The following TMEM71 variants were observed in gnomAD, a reference collection of about 807,000 sequenced individuals.
TMEM71 encodes transmembrane protein 71.
Under a neutral mutation model 38.0 loss-of-function variants are expected in TMEM71, and 44 were observed. The ratio of observed to expected loss-of-function variants is 1.16; its 90% confidence interval spans 0.91 to 1.49. The LOEUF (loss-of-function observed/expected upper bound fraction) is 1.49. Ranked by LOEUF, TMEM71 falls within the 40% of genes most tolerant of loss-of-function variation. The probability of loss-of-function intolerance (pLI) is 0.00; values close to 1 mark genes in which losing one functional copy is unlikely to be tolerated. For missense variants in TMEM71, 367 were observed against 348.6 expected, an observed-to-expected ratio of 1.05 and a Z score of -0.42; for synonymous variants, 133 against 122.5, an observed-to-expected ratio of 1.09 and a Z score of -0.56.
intron 5 of TMEM71, among the ~76,000 whole-genome samples, chr8:132,744,411 T>G (rs1447826307): frequency 6.6e-6 from 1 of 152,106 alleles, no homozygotes; most frequent in African/African-American, 2.4e-5. Flanking sequence ...GAGAGCCAAG[T>G]CAAGAATGCA....
chr8:132,743,197 C>T (rs113906483), intron 5 of TMEM71, among the ~76,000 whole-genome samples: 5 of 152,190 alleles, frequency 3.3e-5, no homozygotes, highest in South Asian at 4.2e-4. Flanking sequence ...GAAGAAGAGC[C>T]GCAGGGACTC....
chr8:132,728,023 T>C, intron 5 of TMEM71, 37 bp from the exon 6 acceptor site: 1 of 1,226,458 alleles, frequency 8.2e-7, no homozygotes, highest in African/African-American at 1.7e-5. Context: ...AGTGTGTGTG[T>C]GTGTGTGTGT....
intron 5 of TMEM71, among the ~76,000 whole-genome samples, chr8:132,744,779 A>G (rs966953223): frequency 6.6e-6 from 1 of 152,216 alleles, no homozygotes; most frequent in Non-Finnish European, 1.5e-5. Flanking sequence ...ACTTCAAAAT[A>G]TACCATAAGG....
chr8:132,735,504 ACT>A (rs1462441797), intron 5 of TMEM71, among the ~76,000 whole-genome samples: 1 of 152,182 alleles, frequency 6.6e-6, no homozygotes, highest in African/African-American at 2.4e-5. Flanking sequence ...AGATGTGATT[ACT>A]CTGACAGCAG....
chr8:132,729,139 C>T (rs1394490615), intron 5 of TMEM71, among the ~76,000 whole-genome samples: 3 of 152,184 alleles, frequency 2.0e-5, no homozygotes, highest in Admixed American at 6.5e-5. Flanking sequence ...AAGATGATTC[C>T]TCATAACACT....
At chr8:132,728,324 G>C (rs1827267134) in intron 5 of TMEM71, among the ~76,000 whole-genome samples, 1 of 152,186 alleles carries the variant, frequency 6.6e-6, no homozygotes, top group Non-Finnish European at 1.5e-5. Flanking sequence ...TACATGGATA[G>C]TGGCAGGTAA....
intron 7 of TMEM71, among the ~76,000 whole-genome samples, chr8:132,717,686 C>A (rs908170778): frequency 1.3e-5 from 2 of 152,152 alleles, no homozygotes; most frequent in Non-Finnish European, 2.9e-5. Context: ...AACGTTTCAG[C>A]AGTTTCTAAA....
chr8:132,720,002 G>A (rs1826752239), intron 7 of TMEM71, among the ~76,000 whole-genome samples: 1 of 152,126 alleles, frequency 6.6e-6, no homozygotes, highest in South Asian at 2.1e-4. Context: ...GTTTTGGAAA[G>A]TCCTGCTCAG....
chr8:132,770,632 T>G, the TMEM71 span, among the ~76,000 whole-genome samples: 3 of 152,258 alleles, frequency 2.0e-5, no homozygotes, highest in Admixed American at 1.3e-4. Flanking sequence ...AATTTTTCAC[T>G]GAATCAAACT....
At position 132,720,884 on chromosome 8, in the gene TMEM71, G is replaced by T. The variant is rs144671451; in HGVS notation, c.752+1156C>A. 5.9e-4 allele frequency among the ~76,000 whole-genome samples: 90 copies of T among 152,268 alleles called. 3 individuals carry two copies. The highest frequency in any genetic ancestry group is 2.1e-3 in the African/African-American group (89 of 41,554). ...CTGGCACTGAGGATACTGAAGTGAG[G>T]GAGACGCACAATGTGTCTGCTGTCA... On this transcript the variant is annotated intron_variant, in intron 7 of 9. Transcript: ENST00000677595.
intron 5 of TMEM71, among the ~76,000 whole-genome samples, chr8:132,730,671 A>G (rs577244284): frequency 7.9e-5 from 12 of 152,222 alleles, no homozygotes; most frequent in African/African-American, 2.9e-4. Flanking sequence ...GTTATTTTAT[A>G]CCCATAGTAT....
At chr8:132,709,560 G>A (rs1468305614), downstream of TMEM71, among the ~76,000 whole-genome samples, 1 of 152,128 alleles carries the variant, frequency 6.6e-6, no homozygotes, top group African/African-American at 2.4e-5. Flanking sequence ...GTCCTTTAAA[G>A]AGGGAGGTAG....
At chr8:132,735,146 G>A (rs1827677949) in intron 5 of TMEM71, among the ~76,000 whole-genome samples, 1 of 152,188 alleles carries the variant, frequency 6.6e-6, no homozygotes, top group Admixed American at 6.5e-5. Context: ...ATGACTCACA[G>A]GCTCTGGGAA....
At chr8:132,745,631 C>T (rs2467970) in intron 5 of TMEM71, among the ~76,000 whole-genome samples, 45,464 of 151,862 alleles carry the variant, frequency 0.3, 6,991 homozygotes, top group Non-Finnish European at 0.33. Flanking sequence ...TTCTCAAAGA[C>T]CTTAGAACCA....
chr8:132,729,148 C>T (rs1827314852), intron 5 of TMEM71, among the ~76,000 whole-genome samples: 2 of 152,356 alleles, frequency 1.3e-5, no homozygotes, highest in East Asian at 3.9e-4. Context: ...CCTCATAACA[C>T]TTGGTGTCTT....
At chr8:132,745,041 C>T (rs377653172) in intron 5 of TMEM71, among the ~76,000 whole-genome samples, 24 of 152,062 alleles carry the variant, frequency 1.6e-4, no homozygotes, top group African/African-American at 5.3e-4. Flanking sequence ...TTAAAGATTT[C>T]AATGTAAGAC....
intron 1 of TMEM71, 45 bp from the exon 2 acceptor site, chr8:132,758,960 G>C (rs1285728661): frequency 8.1e-7 from 1 of 1,241,624 alleles, no homozygotes; most frequent in Non-Finnish European, 1.2e-6. Context: ...ATTAAAAATA[G>C]AAAAATTATG....
intron 4 of TMEM71, among the ~76,000 whole-genome samples, chr8:132,750,009 T>A (rs535885947): frequency 1.6e-5 from 1 of 62,220 alleles, no homozygotes; most frequent in Non-Finnish European, 3.7e-5. Context: ...CGAGACTCCA[T>A]CTCAAAAAAA....
upstream of TMEM71, among the ~76,000 whole-genome samples, chr8:132,762,063 T>C (rs569579608): frequency 3.9e-5 from 6 of 152,120 alleles, no homozygotes; most frequent in Non-Finnish European, 8.8e-5. Flanking sequence ...AAGTGACAAA[T>C]GGTATTTCAA....
Sources: allele counts gnomAD v4.1 joint callset (sites outside exome capture counted in the v4.1 genomes callset), GRCh38; gene constraint gnomAD v4.1.1; transcripts MANE v1.5; gene names NCBI Gene and HGNC (gene_info 2026-07-23, HGNC 2026-07-21).